SLC12A5: variants seen among roughly 807,000 people sequenced by gnomAD.
SLC12A5 encodes K-Cl cotransporter 2.
SLC12A5 carries 18 observed loss-of-function variants against 124.0 expected under a neutral mutation model. The observed-to-expected ratio is 0.15, with a 90% confidence interval of 0.10 to 0.22. The LOEUF (loss-of-function observed/expected upper bound fraction) is 0.22, where lower values mean the gene tolerates loss of function less well. SLC12A5 is among the 10% of genes least tolerant of loss of function. SLC12A5 has a pLI of 1.00. For synonymous variants in SLC12A5, 589 were observed against 568.0 expected (o/e 1.04, Z -0.53); for missense variants, 867 against 1,478.7 (o/e 0.59, Z 6.78).
intron 1 of SLC12A5, among the ~76,000 whole-genome samples, chr20:46,031,674 C>G (rs779360873): frequency 6.6e-6 from 1 of 152,230 alleles, no homozygotes; most frequent in Admixed American, 6.5e-5. Context: ...CCAGGCCCAG[C>G]CCCAGGCCCC....
intron 17 of SLC12A5, 44 bp from the exon 18 acceptor site, chr20:46,051,631 C>G: frequency 6.4e-7 from 1 of 1,567,660 alleles, no homozygotes; most frequent in Admixed American, 2.1e-5. Flanking sequence ...CAGCCAGGGC[C>G]AGGGAGGCCT....
rs578064005 is a variant in SLC12A5 at position 46,021,982 on chromosome 20, G to C, written c.48+96G>C. The C allele has an allele frequency of 3.0e-6, 4 of 1,329,176 alleles. No homozygotes were observed. The African/African-American group carries it at 6.2e-5, about 21-fold the overall frequency. The allele number at this position is 1,329,176 out of a possible 1,614,324, so 82.3% of individuals were successfully genotyped here. A position where few individuals can be genotyped will look rare whatever the true frequency, so the allele number is the denominator to read the frequency against. ...TGTTGAAGGGGGCAGGGCCAAGACC[G>C]GGGGCGGGGAGGGGTCCCAGCCCTA... is the stretch of plus-strand genomic sequence containing the variant. On this transcript the variant is annotated intron_variant, in intron 1 of 2. Coordinates refer to the SLC12A5 transcript ENST00000413737.
At chr20:46,044,160 C>A (rs2084573389) in intron 11 of SLC12A5, among the ~76,000 whole-genome samples, 1 of 152,148 alleles carries the variant, frequency 6.6e-6, no homozygotes, top group Non-Finnish European at 1.5e-5. Context: ...ATGATACTTT[C>A]CTTTTCTTTA....
At chr20:46,031,923 A>T (rs1345218862) in intron 1 of SLC12A5, among the ~76,000 whole-genome samples, 7 of 152,178 alleles carry the variant, frequency 4.6e-5, no homozygotes, top group African/African-American at 1.7e-4. Context: ...GTCCTTTGAG[A>T]ACTCGGAAGC....
intron 11 of SLC12A5, among the ~76,000 whole-genome samples, chr20:46,044,256 C>T (rs1244651935): frequency 6.6e-6 from 1 of 151,970 alleles, no homozygotes; most frequent in Non-Finnish European, 1.5e-5. Flanking sequence ...TATCTGTGTT[C>T]CCTCCGAGAT....
chr20:46,032,620 G>A (rs2145479067), intron 1 of SLC12A5, among the ~76,000 whole-genome samples: 1 of 152,332 alleles, frequency 6.6e-6, no homozygotes, highest in East Asian at 1.9e-4. Flanking sequence ...CCTTTGCAAA[G>A]GAGGAAACTG....
chr20:46,037,454 C>T lies in SLC12A5; in HGVS notation c.612+69C>T, dbSNP rs138289610. Reference sequence around the variant, plus strand: ...TCAGTTAATCAGTGCTCCCTGGACACCTCCTATAGGCCAGGCCATTCAGTG... The same window carrying T: ...TCAGTTAATCAGTGCTCCCTGGACATCTCCTATAGGCCAGGCCATTCAGTG... On this transcript the variant is annotated intron_variant, in intron 6 of 25. Transcript: ENST00000243964. 8.6e-3 allele frequency: 12,898 copies of T among 1,497,636 alleles called. 68 individuals are homozygous for T. Among genetic ancestry groups the T allele is most frequent in the Non-Finnish European group, 0.01 (11,274 of 1,117,642 alleles). The allele number at this position is 1,497,636 out of a possible 1,614,324, so 92.8% of individuals were successfully genotyped here. A position where few individuals can be genotyped will look rare whatever the true frequency, so the allele number is the denominator to read the frequency against.
At position 46,056,545 on chromosome 20, in the gene SLC12A5, G is replaced by A; in HGVS notation, c.3091G>A (p.Asp1031Asn). The change falls in exon 23 of 26, where the codon GAC becomes AAC. Residue 1031 changes from aspartate (D) to asparagine (N), a missense_variant. By Grantham distance (23) the Asp-to-Asn change is conservative (BLOSUM62 1). Transcript: ENST00000243964. This position sits in a 1 kb window ranked among gnomAD's most constrained non-coding sequence, Gnocchi z 4.3. ...TCCTGTCTCCTCTGAGGGCATCAAG[G>A]ACTTCTTCAGCATGAAGCCGTACGG... ...PSPVSSEGIK[D>N]FFSMKPEWEN... is the part of the protein sequence containing the mutation. 1 of 1,614,088 alleles carries A rather than the reference G, an allele frequency of 6.2e-7. No homozygotes were observed. Among genetic ancestry groups the A allele is most frequent in the Non-Finnish European group, 8.5e-7 (1 of 1,179,960 alleles).
rs370812585 is a variant in SLC12A5, at chr20:46,035,512, G to A, written c.256G>A (p.Gly86Ser). Residue 86 changes from glycine to serine, a missense_variant, in exon 3 of 26, where the codon GGT becomes AGT. This residue lies in a region of SLC12A5 where 126 missense variants were observed against 291.6 expected (regional missense o/e 0.43). Coordinates refer to ENST00000243964, the MANE Select transcript of SLC12A5 (RefSeq NM_020708.5). ...REHEEAENNEGGKKKPVQAPR... is the reference protein window; with the variant it reads ...REHEEAENNESGKKKPVQAPR... ...GCATGAAGAGGCAGAAAACAATGAG[G>A]GTGGAAAAAAGAAGCCGGTGCAGGT... 12 of 1,613,780 alleles carry A rather than the reference G, an allele frequency of 7.4e-6. No individual in the cohort carries two copies. The highest frequency in any genetic ancestry group is 1.0e-5 in the Non-Finnish European group (12 of 1,179,934).
rs1322482267 is a variant in SLC12A5, at chr20:46,045,089, C to T, written c.1518C>T (p.Ala506=). The stretch of plus-strand genomic sequence containing the variant: ...CTGGGCTGCAGAGCCTCACGGGGGC[C>T]CCACGCCTGCTGCAGGCCATCTCGA... The part of the protein sequence containing the change: ...CGAGLQSLTG[A]PRLLQAISRD... Residue 506 remains alanine, a synonymous_variant, in exon 12 of 26, where the codon GCC becomes GCT. Transcript: ENST00000243964. This position sits in a 1 kb window ranked among gnomAD's most constrained non-coding sequence, Gnocchi z 4.9. 3.7e-6 allele frequency: 6 copies of T among 1,610,918 alleles called. No individual in the cohort carries two copies. The highest frequency in any genetic ancestry group is 5.1e-6 in the Non-Finnish European group (6 of 1,178,482).
Position 46,045,868 on chromosome 20 carries a change from C to A in SLC12A5, c.1570-10C>A. On this transcript the variant is annotated splice_polypyrimidine_tract_variant and intron_variant, in intron 12 of 25. Transcript: ENST00000243964. This position sits in a 1 kb window ranked among gnomAD's most constrained non-coding sequence, Gnocchi z 4.9. ...AGGTCTCAGTCCCATGATGATTGCT[C>A]TTTCCCCAGGTCTTTGGCCATGGCA... 6.2e-7 allele frequency: 1 copy of A among 1,612,732 alleles called. No homozygotes were observed. The highest frequency in any genetic ancestry group is 8.5e-7 in the Non-Finnish European group (1 of 1,178,802).
rs1316343978 is a variant in SLC12A5 at position 46,045,611 on chromosome 20, C to G, written c.1570-267C>G. On this transcript the variant is annotated intron_variant, in intron 12 of 25. Transcript: ENST00000243964. This position sits in a 1 kb window ranked among gnomAD's most constrained non-coding sequence, Gnocchi z 4.9. ...GTGGCTTGCTGGCTTCCTGACAGCT[C>G]CTCTCCCATCTGGTCCTCTGCAGCT... Among the ~76,000 whole-genome samples the G allele has an allele frequency of 6.6e-6, 1 of 152,026 alleles. No homozygotes were observed.
chr20:46,022,946 A>G (rs1434288370), exon 2 of SLC12A5: 1 of 234,096 alleles, frequency 4.3e-6, no homozygotes, highest in Non-Finnish European at 7.0e-6. Context: ...CAGCGAGGGG[A>G]GGAGGAGGAG....
In SLC12A5 at chr20:46,051,731, C is replaced by G; in HGVS notation, c.2238C>G (p.Ile746Met). 2 of 1,610,414 alleles carry G rather than the reference C, an allele frequency of 1.2e-6. No individual in the cohort carries two copies. The highest frequency in any genetic ancestry group is 1.7e-6 in the Non-Finnish European group (2 of 1,178,248). ...EKVKGFCQVV[I>M]SSNLRDGVSH... The stretch of plus-strand genomic sequence containing the variant: ...TGAAGGGCTTCTGCCAGGTGGTGAT[C>G]TCCTCCAACTTGCGTGATGGCGTGT... The change falls in exon 18 of 26, where the codon ATC becomes ATG. Residue 746 changes from isoleucine to methionine, a missense_variant. Coordinates refer to ENST00000243964, the MANE Select transcript of SLC12A5 (RefSeq NM_020708.5).
At position 46,045,131 on chromosome 20, in the gene SLC12A5, C is replaced by T; in HGVS notation, c.1560C>T (p.Pro520=). ...LQAISRDGIV[P]FLQVFGHGKA... ...CCATCTCGAGGGATGGCATTGTGCC[C>T]TTCCTGCAGGTCAGTGTGGGAGAAG... is the stretch of plus-strand genomic sequence containing the variant. The change falls in exon 12 of 26, where the codon CCC becomes CCT. Residue 520 remains proline, a synonymous_variant. Transcript: ENST00000243964. The surrounding 1 kb of genome is among the most constrained non-coding windows in gnomAD (Gnocchi z 4.9). 6 of 1,583,444 alleles carry T rather than the reference C, an allele frequency of 3.8e-6. No homozygotes were observed. Among genetic ancestry groups the T allele is most frequent in the Non-Finnish European group, 5.1e-6 (6 of 1,165,610 alleles).
At chr20:46,037,661 A>G (rs1434659316) in intron 6 of SLC12A5, among the ~76,000 whole-genome samples, 1 of 152,180 alleles carries the variant, frequency 6.6e-6, no homozygotes, top group Non-Finnish European at 1.5e-5. Flanking sequence ...TTGTATCCTT[A>G]CGAGGTTTAA....
At chr20:46,055,444 C>T (rs1327207049) in intron 21 of SLC12A5, among the ~76,000 whole-genome samples, 1 of 151,960 alleles carries the variant, frequency 6.6e-6, no homozygotes. Context: ...GGGGAAAATC[C>T]CCTAGGGTGT....
chr20:46,044,146 G>A (rs1334877048), intron 11 of SLC12A5, among the ~76,000 whole-genome samples: 1 of 152,064 alleles, frequency 6.6e-6, no homozygotes, highest in African/African-American at 2.4e-5. Context: ...TTTCCTTTAG[G>A]ATAATGATAC....
intron 20 of SLC12A5, among the ~76,000 whole-genome samples, chr20:46,054,677 G>A (rs1219383256): frequency 6.6e-6 from 1 of 152,160 alleles, no homozygotes; most frequent in Non-Finnish European, 1.5e-5. Context: ...CATATGCCTG[G>A]TCCTGTGCTG....
Sources: allele counts gnomAD v4.1 joint callset (sites outside exome capture counted in the v4.1 genomes callset), GRCh38; gene constraint gnomAD v4.1.1; regional missense constraint gnomAD v4.1.1; non-coding constraint Gnocchi (gnomAD v3.1); transcripts MANE v1.5; gene names NCBI Gene and HGNC (gene_info 2026-07-23, HGNC 2026-07-21).